Variants in OPCML observed in about 807,000 individuals in gnomAD.
OPCML encodes the protein opioid-binding protein/cell adhesion molecule.
Under a neutral mutation model 37.8 loss-of-function variants are expected in OPCML, and 13 were observed. That is an observed-to-expected ratio of 0.34 (90% confidence interval 0.22 to 0.55). OPCML has a LOEUF of 0.55. OPCML is among the 20% of genes least tolerant of loss of function. The pLI, the probability that OPCML is intolerant of heterozygous loss-of-function variation, is 0.91. For synonymous variants in OPCML, 176 were observed against 168.8 expected, an observed-to-expected ratio of 1.04 and a Z score of -0.33; for missense variants, 341 against 435.6, an observed-to-expected ratio of 0.78 and a Z score of 1.93.
At chr11:133,477,207 C>T (rs535631054) in intron 1 of OPCML, among the ~76,000 whole-genome samples, 195 of 152,284 alleles carry the variant, frequency 1.3e-3, no homozygotes, top group African/African-American at 4.0e-3. Context: ...CTTCAGCACA[C>T]GAAGAGTAGC....
intron 1 of OPCML, among the ~76,000 whole-genome samples, chr11:132,947,649 G>A (rs998597653): frequency 2.0e-5 from 3 of 152,134 alleles, no homozygotes; most frequent in African/African-American, 7.2e-5. Flanking sequence ...ATTAGAAACA[G>A]AAAATGAGCT....
At chr11:132,934,083 G>A (rs540221764) in intron 2 of OPCML, among the ~76,000 whole-genome samples, 2 of 152,304 alleles carry the variant, frequency 1.3e-5, no homozygotes, top group East Asian at 1.9e-4. Flanking sequence ...CACATAAGCA[G>A]GGTAGACAGG....
chr11:132,449,029 A>T (rs545047105), intron 4 of OPCML, among the ~76,000 whole-genome samples: 12 of 152,330 alleles, frequency 7.9e-5, no homozygotes, highest in African/African-American at 2.9e-4. Flanking sequence ...TGATGGACTG[A>T]GTTCCAACCC....
chr11:133,416,912 A>T (rs563333261), intron 1 of OPCML, among the ~76,000 whole-genome samples: 1 of 152,220 alleles, frequency 6.6e-6, no homozygotes, highest in South Asian at 2.1e-4. Context: ...GAGGGTTGAA[A>T]CTTTCAGCCC....
At chr11:133,419,865 A>G (rs1292288143) in intron 1 of OPCML, among the ~76,000 whole-genome samples, 3 of 152,234 alleles carry the variant, frequency 2.0e-5, no homozygotes, top group Non-Finnish European at 4.4e-5. Flanking sequence ...TATCTAATTC[A>G]GCAAAGAAGT....
rs371589544 is a variant in OPCML, at chr11:133,476,977, A to G, written c.61+55287T>C. On this transcript the variant is annotated intron_variant, in intron 1 of 7. Coordinates refer to ENST00000524381, the MANE Select transcript of OPCML (RefSeq NM_001012393.5). ...CTGGGTGTGAAGGGGAGAGGCGGAT[A>G]AGACTCAATGGCAGAGGGCTGACTT... 1.5e-4 allele frequency among the ~76,000 whole-genome samples: 23 copies of G among 152,276 alleles called. 1 individual carries two copies. In the South Asian group the frequency reaches 4.4e-3, roughly 29 times the overall value.
At chr11:132,569,500 A>C (rs2096432324) in intron 3 of OPCML, among the ~76,000 whole-genome samples, 1 of 152,238 alleles carries the variant, frequency 6.6e-6, no homozygotes, top group Non-Finnish European at 1.5e-5. Context: ...TTGAAGAAAG[A>C]TATAGAGAAA....
At chr11:133,271,992 C>T (rs1220728630) in intron 1 of OPCML, among the ~76,000 whole-genome samples, 1 of 152,000 alleles carries the variant, frequency 6.6e-6, no homozygotes, top group Non-Finnish European at 1.5e-5. Context: ...GGGTGGACAC[C>T]CACTCACTGC....
At chr11:133,272,464 C>T (rs1477974515) in intron 1 of OPCML, among the ~76,000 whole-genome samples, 2 of 152,124 alleles carry the variant, frequency 1.3e-5, no homozygotes, top group Admixed American at 1.3e-4. Flanking sequence ...TTTTCATATA[C>T]AGAACACCAC....
intron 1 of OPCML, among the ~76,000 whole-genome samples, chr11:133,021,589 G>T (rs977392646): frequency 2.5e-5 from 1 of 40,170 alleles, no homozygotes; most frequent in African/African-American, 1.9e-4. Context: ...ACGGGCAGGA[G>T]GGAGACACTT....
At chr11:133,408,684 TC>T (rs1945577573) in intron 1 of OPCML, among the ~76,000 whole-genome samples, 1 of 151,926 alleles carries the variant, frequency 6.6e-6, no homozygotes, top group African/African-American at 2.4e-5. Context: ...CACATGCCTA[TC>T]CACCTAATAT....
At chr11:133,240,234 A>C (rs951568941) in intron 1 of OPCML, among the ~76,000 whole-genome samples, 5 of 151,460 alleles carry the variant, frequency 3.3e-5, no homozygotes, top group African/African-American at 1.2e-4. Flanking sequence ...AAAAAAAAAA[A>C]ACAGAGGGGC....
intron 3 of OPCML, among the ~76,000 whole-genome samples, chr11:132,635,210 C>T (rs1289183413): frequency 6.6e-6 from 1 of 152,022 alleles, no homozygotes; most frequent in African/African-American, 2.4e-5. Context: ...TCTAAATTTC[C>T]CTGTCTAAAA....
At chr11:133,131,404 A>G (rs1213123132) in intron 1 of OPCML, among the ~76,000 whole-genome samples, 1 of 152,196 alleles carries the variant, frequency 6.6e-6, no homozygotes, top group Non-Finnish European at 1.5e-5. Context: ...GGAGAAAATT[A>G]TTTTAAAAAG....
At chr11:132,521,605 CG>C (rs1340219313) in intron 4 of OPCML, among the ~76,000 whole-genome samples, 1 of 150,908 alleles carries the variant, frequency 6.6e-6, no homozygotes, top group East Asian at 2.0e-4. Context: ...TGGGGCTTGT[CG>C]GGGTGTGAGG....
intron 1 of OPCML, among the ~76,000 whole-genome samples, chr11:132,961,444 G>T (rs1007194945): frequency 2.0e-5 from 3 of 152,228 alleles, no homozygotes; most frequent in Non-Finnish European, 4.4e-5. Flanking sequence ...TAGCTTCAAT[G>T]ATGGGGAGGA....
intron 1 of OPCML, among the ~76,000 whole-genome samples, chr11:133,529,016 GACA>G (rs796072325): frequency 8.5e-5 from 13 of 152,338 alleles, no homozygotes; most frequent in African/African-American, 2.2e-4. Context: ...TGCTGGCAAT[GACA>G]ACATCTTCTT....
intron 1 of OPCML, among the ~76,000 whole-genome samples, chr11:133,153,897 T>C (rs575036066): frequency 6.6e-6 from 1 of 152,090 alleles, no homozygotes; most frequent in Non-Finnish European, 1.5e-5. Flanking sequence ...TGAGATGCAT[T>C]CCCAGGTAAG....
chr11:132,649,322 ACACAATGTCATGAAAGGT>A (rs1941313935), intron 3 of OPCML, among the ~76,000 whole-genome samples: 1 of 152,162 alleles, frequency 6.6e-6, no homozygotes, highest in Non-Finnish European at 1.5e-5. Flanking sequence ...CACCAACCAC[ACACAATGTCATGAAAGGT>A]CACAATCTAG....
Sources: gnomAD v4.1 joint callset for allele counts (sites outside exome capture counted in the v4.1 genomes callset) on GRCh38, gnomAD v4.1.1 for gene constraint, MANE v1.5 for transcripts, NCBI Gene and HGNC (gene_info 2026-07-23, HGNC 2026-07-21) for gene names.